Variants in SYN2 observed in about 807,000 individuals in gnomAD.
The protein encoded by SYN2 is synapsin II, also known as synapsin-2.
SYN2 carries 19 observed loss-of-function variants against 50.9 expected under a neutral mutation model. The observed-to-expected ratio is 0.37, with a 90% CI of 0.26 to 0.55. The LOEUF is 0.55. SYN2 is among the 20% of genes least tolerant of loss of function. SYN2 has a pLI of 0.81. For synonymous variants in SYN2, 255 were observed against 224.9 expected (o/e 1.13, Z -1.20); for missense variants, 587 against 576.4 (o/e 1.02, Z -0.19).
intron 10 of SYN2, among the ~76,000 whole-genome samples, chr3:12,172,274 C>T (rs1697953913): frequency 6.6e-6 from 1 of 152,108 alleles, no homozygotes; most frequent in Admixed American, 6.6e-5. Context: ...ATTCTAAGGC[C>T]ACATAATACC....
At chr3:12,055,138 A>T (rs1694958850) in intron 1 of SYN2, among the ~76,000 whole-genome samples, 1 of 152,118 alleles carries the variant, frequency 6.6e-6, no homozygotes, top group African/African-American at 2.4e-5. Flanking sequence ...AATTAATATG[A>T]ATAAAGCAGA....
At chr3:12,039,380 T>C (rs537082135) in intron 1 of SYN2, among the ~76,000 whole-genome samples, 1 of 152,204 alleles carries the variant, frequency 6.6e-6, no homozygotes, top group Admixed American at 6.5e-5. Context: ...AAATACAAGG[T>C]CCCTCATGTT....
intron 1 of SYN2, among the ~76,000 whole-genome samples, chr3:12,109,706 A>G (rs17624700): frequency 0.048 from 7,250 of 152,154 alleles, 233 homozygotes; most frequent in Middle Eastern, 0.11. Context: ...AGCTATATCT[A>G]TAACTCTTCT....
chr3:12,153,886 C>T (rs1169943750), intron 5 of SYN2, among the ~76,000 whole-genome samples: 1 of 152,182 alleles, frequency 6.6e-6, no homozygotes, highest in East Asian at 1.9e-4. Context: ...TCCCCATATT[C>T]AATATTGCCA....
Position 12,009,174 on chromosome 3 carries a change from T to C in SYN2, c.377+4246T>C, listed in dbSNP as rs533155462. Among the ~76,000 whole-genome samples the C allele has an allele frequency of 5.3e-5, 8 of 152,356 alleles. 1 individual carries two copies. The highest frequency in any genetic ancestry group is 1.7e-4 in the African/African-American group (7 of 41,584). On this transcript the variant is annotated intron_variant, in intron 1 of 12. Coordinates refer to ENST00000621198, the MANE Select transcript of SYN2 (RefSeq NM_133625.6). Reference sequence around the variant, plus strand: ...GATTGTTCATAGCAGCAGTTGCCTGTACTTTAGAATTCTCAGATATTAGAG... The same window carrying C: ...GATTGTTCATAGCAGCAGTTGCCTGCACTTTAGAATTCTCAGATATTAGAG...
chr3:12,047,512 A>G (rs990859756), intron 1 of SYN2, among the ~76,000 whole-genome samples: 13 of 152,124 alleles, frequency 8.5e-5, no homozygotes, highest in African/African-American at 2.4e-4. Flanking sequence ...TGAGGTGACA[A>G]TCTGTTCTGT....
intron 1 of SYN2, among the ~76,000 whole-genome samples, chr3:12,128,669 T>C (rs1696724716): frequency 2.6e-5 from 4 of 152,214 alleles, no homozygotes. Flanking sequence ...GGTCCCATCA[T>C]ACGTTGGAAA....
chr3:12,090,661 A>T (rs1250846157), intron 1 of SYN2, among the ~76,000 whole-genome samples: 2 of 152,222 alleles, frequency 1.3e-5, no homozygotes, highest in Admixed American at 6.5e-5. Context: ...GTCATCTGTA[A>T]TGACATCAAG....
chr3:12,159,912 C>T (rs1697598864), intron 5 of SYN2, among the ~76,000 whole-genome samples: 1 of 151,836 alleles, frequency 6.6e-6, no homozygotes, highest in Non-Finnish European at 1.5e-5. Flanking sequence ...GCGTGGTGGC[C>T]TACACCTGTA....
At chr3:12,170,815 G>A (rs1697920541) in intron 10 of SYN2, among the ~76,000 whole-genome samples, 1 of 152,130 alleles carries the variant, frequency 6.6e-6, no homozygotes, top group Non-Finnish European at 1.5e-5. Context: ...CTTTAAACAG[G>A]GAGGTAGAAT....
intron 5 of SYN2, chr3:12,152,956 C>T: frequency 5.4e-6 from 1 of 185,558 alleles, no homozygotes; most frequent in Non-Finnish European, 1.2e-5. Context: ...TTCTGGCTCT[C>T]ACATTGAGTG....
intron 5 of SYN2, among the ~76,000 whole-genome samples, chr3:12,158,223 A>T (rs1271663814): frequency 6.6e-6 from 1 of 152,176 alleles, no homozygotes; most frequent in Non-Finnish European, 1.5e-5. Context: ...GGAGTCTGCC[A>T]GGAATTTAAG....
chr3:12,079,174 G>A (rs1695533678), intron 1 of SYN2, among the ~76,000 whole-genome samples: 1 of 152,182 alleles, frequency 6.6e-6, no homozygotes, highest in African/African-American at 2.4e-5. Context: ...CTTTGCTGAA[G>A]TTGCTTATCA....
chr3:12,048,908 C>T lies in SYN2; in HGVS notation c.377+43980C>T, dbSNP rs528132285. On this transcript the variant is annotated intron_variant, in intron 1 of 12. Transcript: ENST00000621198. ...GTAGTGACTATTTTATTCATTATATCGTTGGTTTATGGATTTTACAATCAC... is the reference window on the plus strand; with the variant it reads ...GTAGTGACTATTTTATTCATTATATTGTTGGTTTATGGATTTTACAATCAC... 5.3e-5 allele frequency among the ~76,000 whole-genome samples: 8 copies of T among 152,228 alleles called. No individual in the cohort carries two copies. The South Asian group carries it at 8.3e-4, about 16-fold the overall frequency.
At chr3:12,098,923 A>T (rs1230075208) in intron 1 of SYN2, among the ~76,000 whole-genome samples, 1 of 149,868 alleles carries the variant, frequency 6.7e-6, no homozygotes, top group Non-Finnish European at 1.5e-5. Context: ...GACTGTGCCA[A>T]TATTAGACAA....
chr3:12,069,774 AT>A (rs1695303808), intron 1 of SYN2, among the ~76,000 whole-genome samples: 1 of 149,540 alleles, frequency 6.7e-6, no homozygotes, highest in Non-Finnish European at 1.5e-5. Context: ...ACTGGGTGTG[AT>A]TTGGTACCTC....
At chr3:12,176,310 A>G (rs1698067296) in intron 10 of SYN2, among the ~76,000 whole-genome samples, 1 of 152,116 alleles carries the variant, frequency 6.6e-6, no homozygotes, top group Non-Finnish European at 1.5e-5. Context: ...TCATGTGGCT[A>G]ATGTTTTTTT....
In SYN2 at chr3:12,012,965, G is replaced by A. The variant is rs141095924; in HGVS notation, c.377+8037G>A. 6.6e-3 allele frequency among the ~76,000 whole-genome samples: 997 copies of A among 152,186 alleles called. 11 individuals carry two copies. The highest frequency in any genetic ancestry group is 0.022 in the African/African-American group (930 of 41,516). ...ATCCAGTTATTTGCCCTTTTCCACT[G>A]ACACTGGCCTTCTGCCTTCTCTGTA... On this transcript the variant is annotated intron_variant, in intron 1 of 12. Transcript: ENST00000621198.
intron 1 of SYN2, among the ~76,000 whole-genome samples, chr3:12,058,452 ATTT>A (rs1695046166): frequency 6.6e-6 from 1 of 152,202 alleles, no homozygotes; most frequent in Admixed American, 6.5e-5. Flanking sequence ...GACAACAGTA[ATTT>A]ACTTCTTTTC....
Sources: allele counts gnomAD v4.1 joint callset (sites outside exome capture counted in the v4.1 genomes callset), GRCh38; gene constraint gnomAD v4.1.1; transcripts MANE v1.5; gene names NCBI Gene and HGNC (gene_info 2026-07-23, HGNC 2026-07-21).